The following DMD variants were observed in gnomAD, a reference collection of about 807,000 sequenced individuals.
DMD encodes the protein mutant dystrophin.
DMD carries 63 observed loss-of-function variants against 330.1 expected under a neutral mutation model. That is an observed-to-expected ratio of 0.19 (90% CI 0.16 to 0.24). The LOEUF is 0.24. DMD is among the 10% of genes least tolerant of loss of function. The pLI is 1.00. For synonymous variants in DMD, 1,223 were observed against 959.8 expected (o/e 1.27, Z -5.07); for missense variants, 3,344 against 2,684.1 (o/e 1.25, Z -5.43).
intron 44 of DMD, among the ~76,000 whole-genome samples, chrX:32,121,179 G>A (rs192417848): frequency 4.5e-5 from 5 of 111,757 alleles, no homozygotes; most frequent in Admixed American, 9.5e-5. Flanking sequence ...TGGTAGATAC[G>A]TGCAATGCAT....
At chrX:33,112,636 T>A (rs1242832010) in intron 1 of DMD, among the ~76,000 whole-genome samples, 2 of 111,429 alleles carry the variant, frequency 1.8e-5, no homozygotes, top group Non-Finnish European at 3.8e-5. Flanking sequence ...TGGTGAAGGA[T>A]CCTTACAGTG....
At chrX:32,827,065 C>CCCACACA (rs767139724) in intron 4 of DMD, among the ~76,000 whole-genome samples, 2,457 of 68,739 alleles carry the variant, frequency 0.036, 98 homozygotes, top group Non-Finnish European at 0.053. Context: ...CACCCCCCCC[C>CCCACACA]CACACACACA....
intron 47 of DMD, among the ~76,000 whole-genome samples, chrX:31,886,026 A>T (rs2094149601): frequency 9.0e-6 from 1 of 110,953 alleles, no homozygotes. Flanking sequence ...TAATAGAAGC[A>T]TAGATAACAT....
At chrX:31,749,485 A>G (rs1228785338) in intron 51 of DMD, among the ~76,000 whole-genome samples, 1 of 105,336 alleles carries the variant, frequency 9.5e-6, no homozygotes, top group Admixed American at 1.0e-4. Flanking sequence ...ATCCTTTTTT[A>G]TGGCTGCATA....
chrX:31,314,474 A>G (rs2055799719), intron 62 of DMD, among the ~76,000 whole-genome samples: 1 of 111,717 alleles, frequency 9.0e-6, no homozygotes, highest in Admixed American at 9.5e-5. Flanking sequence ...AAAAACAGAA[A>G]AAAGCAGTTG....
intron 30 of DMD, among the ~76,000 whole-genome samples, chrX:32,399,432 T>C (rs770002587): frequency 1.2e-4 from 13 of 111,734 alleles, no homozygotes; most frequent in Middle Eastern, 4.7e-3. Context: ...AATATCTGAA[T>C]AGACTTTTTT....
chrX:31,257,122 G>A (rs1186382215), intron 63 of DMD, among the ~76,000 whole-genome samples: 3 of 107,190 alleles, frequency 2.8e-5, no homozygotes, highest in Non-Finnish European at 5.7e-5. Flanking sequence ...GGCAAGGCAG[G>A]TAACATAAAC....
chrX:32,012,695 T>C (rs1011641883), intron 44 of DMD, among the ~76,000 whole-genome samples: 2 of 111,561 alleles, frequency 1.8e-5, no homozygotes, highest in Admixed American at 1.9e-4. Flanking sequence ...AATGCACCCT[T>C]TTACTGGGAT....
intron 62 of DMD, among the ~76,000 whole-genome samples, chrX:31,262,692 T>G (rs1421027631): frequency 8.9e-6 from 1 of 112,481 alleles, no homozygotes; most frequent in African/African-American, 3.2e-5. Flanking sequence ...ATTCAAGTCT[T>G]AAAGAGCAAG....
rs1482445303 is a variant in DMD at position 31,370,749 on chromosome X, T to C, written c.9085-22115A>G. 2.7e-5 allele frequency among the ~76,000 whole-genome samples: 3 copies of C among 112,456 alleles called. No individual in the cohort carries two copies. The South Asian group carries it at 1.1e-3, about 41-fold the overall frequency. On this transcript the variant is annotated intron_variant, in intron 60 of 78. Coordinates refer to ENST00000357033, the MANE Select transcript of DMD (RefSeq NM_004006.3). ...CTGTACATTAATGTTGGTAGCTTTATTCACAATAGTCCAAAACTACAGATA... is the reference window on the plus strand; with the variant it reads ...CTGTACATTAATGTTGGTAGCTTTACTCACAATAGTCCAAAACTACAGATA...
intron 2 of DMD, among the ~76,000 whole-genome samples, chrX:32,898,853 C>G (rs796555781): frequency 9.0e-6 from 1 of 111,368 alleles, no homozygotes; most frequent in Non-Finnish European, 1.9e-5. Flanking sequence ...AAGTCCTGCC[C>G]AACTCCTACC....
At position 32,283,957 on chromosome X, in the gene DMD, CT is replaced by C. The variant is rs201218482; in HGVS notation, c.6290+3571del. On this transcript the variant is annotated intron_variant, in intron 43 of 78. Coordinates refer to ENST00000357033, the MANE Select transcript of DMD (RefSeq NM_004006.3). Reference sequence around the variant, plus strand: ...ACAGCAAGAATAAATAATTTAGATACTTTTTTTTTGCAGTGACGATAGCAAG... The same window carrying C: ...ACAGCAAGAATAAATAATTTAGATACTTTTTTTTGCAGTGACGATAGCAAG... Among the ~76,000 whole-genome samples, 14 of 110,055 alleles carry C rather than the reference CT, an allele frequency of 1.3e-4. No individual in the cohort carries two copies. The South Asian group carries it at 4.6e-3, about 36-fold the overall frequency.
chrX:32,291,925 C>T (rs761684223), intron 42 of DMD, among the ~76,000 whole-genome samples: 1 of 111,703 alleles, frequency 9.0e-6, no homozygotes, highest in Non-Finnish European at 1.9e-5. Flanking sequence ...GAATGGCAAG[C>T]GTACCTTGGA....
rs2097920711 is a variant in DMD, at chrX:32,380,578, C to T, written c.4777G>A (p.Glu1593Lys). ...TCAACTGCTGATCTCTTTGTCAATT[C>T]CATATCTGTAGCTGCCAGCCATTCT... ...LTEWLAATDM[E>K]LTKRSAVEGM... Residue 1593 changes from glutamate to lysine, a missense_variant, in exon 34 of 79, where the codon GAA (glutamate) becomes AAA (lysine). Glu to Lys is a moderately conservative substitution (Grantham distance 56). Coordinates refer to ENST00000357033, the MANE Select transcript of DMD (RefSeq NM_004006.3). The T allele has an allele frequency of 1.7e-6, 2 of 1,210,399 alleles. 1 individual carries two copies. Among genetic ancestry groups the T allele is most frequent in the East Asian group, 5.9e-5 (2 of 33,763 alleles).
At chrX:32,355,317 A>T (rs1444296122) in intron 37 of DMD, among the ~76,000 whole-genome samples, 2 of 111,158 alleles carry the variant, frequency 1.8e-5, no homozygotes, top group African/African-American at 6.5e-5. Flanking sequence ...TGCTAACCAC[A>T]CTGTCTAACT....
intron 33 of DMD, among the ~76,000 whole-genome samples, chrX:32,383,170 G>C (rs916906834): frequency 9.0e-6 from 1 of 110,506 alleles, no homozygotes; most frequent in Non-Finnish European, 1.9e-5. Flanking sequence ...TAAGAATACA[G>C]CAAAAAGGTA....
chrX:32,561,553 G>A (rs1022989291), intron 16 of DMD, among the ~76,000 whole-genome samples: 2 of 111,691 alleles, frequency 1.8e-5, no homozygotes, highest in East Asian at 5.7e-4. Flanking sequence ...TGAAAGAGAC[G>A]GGGAGAACGG....
intron 21 of DMD, among the ~76,000 whole-genome samples, chrX:32,472,874 C>A (rs1045995466): frequency 9.0e-6 from 1 of 110,879 alleles, no homozygotes; most frequent in African/African-American, 3.3e-5. Flanking sequence ...ATTCTTAATT[C>A]TTATAATAAA....
chrX:32,611,964 G>A (rs1479630648), intron 12 of DMD, among the ~76,000 whole-genome samples: 1 of 111,875 alleles, frequency 8.9e-6, no homozygotes, highest in Non-Finnish European at 1.9e-5. Context: ...TTTAGTTAGT[G>A]GTAGAACTGG....
Sources: allele counts gnomAD v4.1 joint callset (sites outside exome capture counted in the v4.1 genomes callset), GRCh38; gene constraint gnomAD v4.1.1; transcripts MANE v1.5; gene names NCBI Gene and HGNC (gene_info 2026-07-23, HGNC 2026-07-21).